The following KLHL1 variants were observed in gnomAD, a reference collection of about 807,000 sequenced individuals.
KLHL1 encodes kelch-like protein 1.
In KLHL1, 47 loss-of-function variants were observed where a neutral mutation model predicts 77.7. The ratio of observed to expected loss-of-function variants is 0.60; its 90% CI spans 0.48 to 0.77. The LOEUF is 0.77. Among genes scored for constraint, KLHL1 ranks in the 30% least tolerant of loss-of-function variants. KLHL1 has a pLI of 0.00. For synonymous variants in KLHL1, 360 were observed against 325.2 expected (o/e 1.11, Z -1.15); for missense variants, 925 against 910.8 (o/e 1.02, Z -0.20).
chr13:69,979,904 A>G (rs1884658628), intron 1 of KLHL1, among the ~76,000 whole-genome samples: 1 of 152,182 alleles, frequency 6.6e-6, no homozygotes, highest in Non-Finnish European at 1.5e-5. Flanking sequence ...CATGTCTTGA[A>G]AGAATTGTCT....
chr13:69,832,024 C>G (rs1339575565), intron 6 of KLHL1, among the ~76,000 whole-genome samples: 1 of 149,868 alleles, frequency 6.7e-6, no homozygotes, highest in African/African-American at 2.5e-5. Context: ...AAGCATTCCC[C>G]CTGAGAAGTG....
chr13:70,107,351 TG>T lies in KLHL1; in HGVS notation c.348del (p.Arg117GlyfsTer9). The stretch of plus-strand genomic sequence containing the variant: ...AGTGACTCCACGTAGAAGAGAGTCC[TG>T]GCTGGCTGCTGAGTGCCCTGCCCAG... ...GAPGQGTQQPARTLFYVESLE... is the reference protein window; with the variant it reads ...GAPGQGTQQPXRTLFYVESLE... On this transcript the variant is annotated frameshift_variant, in exon 1 of 11. Coordinates refer to ENST00000377844, the MANE Select transcript of KLHL1 (RefSeq NM_020866.3). LOFTEE classifies it high-confidence loss of function. 6.2e-7 allele frequency: 1 copy of T among 1,614,028 alleles called. No homozygotes were observed. Among genetic ancestry groups the T allele is most frequent in the Non-Finnish European group, 8.5e-7 (1 of 1,180,020 alleles).
chr13:69,837,837 A>G (rs74090492), intron 6 of KLHL1, among the ~76,000 whole-genome samples: 12,148 of 151,232 alleles, frequency 0.08, 922 homozygotes, highest in African/African-American at 0.2. Flanking sequence ...CAATAATAGT[A>G]TATTCTAAGC....
At chr13:69,762,229 C>A (rs957395516) in intron 7 of KLHL1, among the ~76,000 whole-genome samples, 2 of 152,012 alleles carry the variant, frequency 1.3e-5, no homozygotes, top group African/African-American at 4.8e-5. Flanking sequence ...TGGCATTAGG[C>A]AAAACTAACT....
At chr13:69,775,247 G>A (rs1875768401) in intron 7 of KLHL1, among the ~76,000 whole-genome samples, 2 of 152,052 alleles carry the variant, frequency 1.3e-5, no homozygotes, top group South Asian at 2.1e-4. Context: ...GACATCTAAA[G>A]AGATGGAGCA....
intron 6 of KLHL1, among the ~76,000 whole-genome samples, chr13:69,833,832 C>CATAT (rs200976141): frequency 0.02 from 2,943 of 146,994 alleles, 113 homozygotes; most frequent in African/African-American, 0.07. Flanking sequence ...CACATGTATA[C>CATAT]ATATATATAT....
intron 7 of KLHL1, among the ~76,000 whole-genome samples, chr13:69,768,689 A>T (rs1875426727): frequency 6.6e-6 from 1 of 152,268 alleles, no homozygotes; most frequent in African/African-American, 2.4e-5. Flanking sequence ...AGATATGAAT[A>T]AAAACCTAGT....
At chr13:69,991,334 C>CA (rs1188651507) in intron 1 of KLHL1, among the ~76,000 whole-genome samples, 7 of 151,194 alleles carry the variant, frequency 4.6e-5, no homozygotes, top group Admixed American at 4.0e-4. Context: ...TAGAGACACA[C>CA]AAAAAAAGCA....
At chr13:69,881,582 T>C (rs915671880) in intron 5 of KLHL1, among the ~76,000 whole-genome samples, 2 of 152,192 alleles carry the variant, frequency 1.3e-5, no homozygotes, top group African/African-American at 4.8e-5. Context: ...TAGAGAATTT[T>C]GTAGCAAATT....
chr13:69,906,653 T>A (rs1286000072), intron 4 of KLHL1, among the ~76,000 whole-genome samples: 1 of 151,962 alleles, frequency 6.6e-6, no homozygotes, highest in Non-Finnish European at 1.5e-5. Flanking sequence ...TAAATATGGT[T>A]TCTTTAAAGC....
chr13:70,018,387 C>T (rs1214180672), intron 1 of KLHL1, among the ~76,000 whole-genome samples: 1 of 152,176 alleles, frequency 6.6e-6, no homozygotes, highest in Non-Finnish European at 1.5e-5. Flanking sequence ...AATCTCCATA[C>T]CACCCTTGCC....
chr13:69,942,251 A>G (rs1883386970), intron 3 of KLHL1, among the ~76,000 whole-genome samples: 1 of 152,042 alleles, frequency 6.6e-6, no homozygotes, highest in South Asian at 2.1e-4. Flanking sequence ...TTTAGTGCCT[A>G]CATATAAGGA....
At chr13:69,863,145 C>T (rs1309553132) in intron 5 of KLHL1, among the ~76,000 whole-genome samples, 2 of 152,012 alleles carry the variant, frequency 1.3e-5, no homozygotes, top group African/African-American at 4.8e-5. Flanking sequence ...ATTCTCAGTA[C>T]TTAGTCTTAT....
At chr13:69,954,901 A>C (rs1456341724) in intron 3 of KLHL1, among the ~76,000 whole-genome samples, 2 of 150,968 alleles carry the variant, frequency 1.3e-5, no homozygotes, top group African/African-American at 4.8e-5. Context: ...TGATATAAAA[A>C]TTATATTATT....
chr13:70,020,698 T>C (rs1885766398), intron 1 of KLHL1, among the ~76,000 whole-genome samples: 1 of 152,066 alleles, frequency 6.6e-6, no homozygotes, highest in Non-Finnish European at 1.5e-5. Context: ...CTGAATGCAT[T>C]AAGTGGAATT....
chr13:70,025,391 T>C (rs1255392201), intron 1 of KLHL1, among the ~76,000 whole-genome samples: 1 of 152,058 alleles, frequency 6.6e-6, no homozygotes, highest in African/African-American at 2.4e-5. Flanking sequence ...ATTTTACTTA[T>C]TTATTATCTT....
chr13:69,833,878 C>T (rs937952484), intron 6 of KLHL1, among the ~76,000 whole-genome samples: 1 of 148,680 alleles, frequency 6.7e-6, no homozygotes, highest in Non-Finnish European at 1.5e-5. Flanking sequence ...CACACACACA[C>T]ATATGCCATG....
intron 4 of KLHL1, among the ~76,000 whole-genome samples, chr13:69,935,846 G>A (rs775271311): frequency 2.6e-5 from 4 of 152,108 alleles, no homozygotes; most frequent in Non-Finnish European, 5.9e-5. Context: ...AAGTACCCAA[G>A]AGAAACAGGG....
intron 5 of KLHL1, among the ~76,000 whole-genome samples, chr13:69,842,866 T>C (rs955667947): frequency 1.8e-4 from 28 of 151,880 alleles, no homozygotes; most frequent in Admixed American, 5.3e-4. Flanking sequence ...TAAGAAAGAA[T>C]AAAATCATGC....
Sources: gnomAD v4.1 joint callset for allele counts (sites outside exome capture counted in the v4.1 genomes callset) on GRCh38, gnomAD v4.1.1 for gene constraint, MANE v1.5 for transcripts, NCBI Gene and HGNC (gene_info 2026-07-23, HGNC 2026-07-21) for gene names.